Variants in LINGO2 observed in about 807,000 individuals in gnomAD.
LINGO2 encodes leucine rich repeat and Ig domain containing 2.
LINGO2 carries 14 observed loss-of-function variants against 30.6 expected under a neutral mutation model. The ratio of observed to expected loss-of-function variants is 0.46; its 90% confidence interval spans 0.30 to 0.72. The LOEUF is 0.72. LINGO2 is among the 30% of genes least tolerant of loss of function. The probability of loss-of-function intolerance (pLI) is 0.07; values close to 1 mark genes in which losing one functional copy is unlikely to be tolerated. For missense variants in LINGO2, 729 were observed against 751.7 expected, an observed-to-expected ratio of 0.97 and a Z score of 0.35; for synonymous variants, 317 against 288.5, an observed-to-expected ratio of 1.10 and a Z score of -1.00.
intron 4 of LINGO2, among the ~76,000 whole-genome samples, chr9:28,063,340 TATA>T (rs1825214403): frequency 6.6e-6 from 1 of 152,166 alleles, no homozygotes; most frequent in African/African-American, 2.4e-5. Flanking sequence ...CTTTGATTCA[TATA>T]ATATTAATAG....
the LINGO2 span, among the ~76,000 whole-genome samples, chr9:28,730,569 T>C: frequency 2.0e-5 from 3 of 152,160 alleles, no homozygotes; most frequent in African/African-American, 7.2e-5. Flanking sequence ...AAAGGACTAG[T>C]TTTTAGAATA....
At chr9:27,985,563 A>AT (rs779071231) in intron 5 of LINGO2, among the ~76,000 whole-genome samples, 4 of 134,290 alleles carry the variant, frequency 3.0e-5, no homozygotes, top group Admixed American at 8.2e-5. Context: ...TTTTTGGGGG[A>AT]TTTTTTGACA....
the LINGO2 span, among the ~76,000 whole-genome samples, chr9:29,200,637 C>T: frequency 6.6e-6 from 1 of 152,082 alleles, no homozygotes; most frequent in African/African-American, 2.4e-5. Flanking sequence ...AAACATCTTA[C>T]ATAAGTATGG....
chr9:28,786,049 G>A, the LINGO2 span, among the ~76,000 whole-genome samples: 107 of 152,256 alleles, frequency 7.0e-4, no homozygotes, highest in Admixed American at 2.2e-3. Context: ...GTCACTCATA[G>A]GTCATTGTTC....
chr9:29,098,126 G>T, the LINGO2 span, among the ~76,000 whole-genome samples: 2 of 152,016 alleles, frequency 1.3e-5, no homozygotes, highest in Non-Finnish European at 2.9e-5. Context: ...TAGTTGCAGG[G>T]TACAAAATTC....
At chr9:28,190,666 G>A (rs1033701686) in intron 4 of LINGO2, among the ~76,000 whole-genome samples, 2 of 152,062 alleles carry the variant, frequency 1.3e-5, no homozygotes, top group Admixed American at 6.6e-5. Flanking sequence ...AGAATTGTGA[G>A]AATTAAATTT....
the LINGO2 span, among the ~76,000 whole-genome samples, chr9:28,970,420 C>T: frequency 2.6e-5 from 4 of 152,030 alleles, no homozygotes; most frequent in African/African-American, 9.7e-5. Context: ...TTCATCAGAA[C>T]AAAAAATCAG....
intron 1 of LINGO2, among the ~76,000 whole-genome samples, chr9:28,517,819 C>T (rs1315131043): frequency 2.0e-5 from 3 of 152,078 alleles, no homozygotes; most frequent in African/African-American, 7.2e-5. Context: ...CTATTTTCCC[C>T]AATAGAAACA....
the LINGO2 span, among the ~76,000 whole-genome samples, chr9:28,991,263 C>T: frequency 6.6e-6 from 1 of 151,068 alleles, no homozygotes; most frequent in African/African-American, 2.4e-5. Flanking sequence ...GAAAGGGTAT[C>T]AGCAATGGAA....
At chr9:28,584,758 G>A (rs1824445451) in intron 1 of LINGO2, among the ~76,000 whole-genome samples, 1 of 151,934 alleles carries the variant, frequency 6.6e-6, no homozygotes, top group African/African-American at 2.4e-5. Context: ...TTATACTGTT[G>A]AAGAGAGATC....
chr9:29,018,089 TTTTA>T, the LINGO2 span, among the ~76,000 whole-genome samples: 3,083 of 136,752 alleles, frequency 0.023, 81 homozygotes, highest in African/African-American at 0.069. Context: ...TAAATATACA[TTTTA>T]TATATATATA....
chr9:28,094,869 A>C (rs1470073657), intron 4 of LINGO2, among the ~76,000 whole-genome samples: 3 of 152,106 alleles, frequency 2.0e-5, no homozygotes, highest in Non-Finnish European at 4.4e-5. Context: ...TCTTACTTAA[A>C]TTAAGTTTGC....
At chr9:28,376,427 T>C (rs1023494675) in intron 2 of LINGO2, among the ~76,000 whole-genome samples, 20 of 152,224 alleles carry the variant, frequency 1.3e-4, no homozygotes, top group African/African-American at 3.9e-4. Flanking sequence ...ATAAATATAT[T>C]ATATGATGCA....
chr9:29,047,531 A>G, the LINGO2 span, among the ~76,000 whole-genome samples: 1 of 152,156 alleles, frequency 6.6e-6, no homozygotes, highest in African/African-American at 2.4e-5. Context: ...CTGAATGGAG[A>G]AAAACTGAAA....
At chr9:28,049,334 G>GCC (rs1824565163) in intron 4 of LINGO2, among the ~76,000 whole-genome samples, 1 of 150,806 alleles carries the variant, frequency 6.6e-6, no homozygotes, top group Middle Eastern at 3.2e-3. Context: ...TTACAACATA[G>GCC]TACGTACAGT....
At chr9:28,467,258 C>T (rs1279457106) in intron 2 of LINGO2, among the ~76,000 whole-genome samples, 1 of 152,004 alleles carries the variant, frequency 6.6e-6, no homozygotes, top group Non-Finnish European at 1.5e-5. Context: ...ATCTCCTGAC[C>T]TCTCGTAGTC....
At chr9:28,003,347 A>T in intron 5 of LINGO2, among the ~76,000 whole-genome samples, 1 of 95,532 alleles carries the variant, frequency 1.0e-5, no homozygotes, top group South Asian at 3.4e-4. Flanking sequence ...AGATATATAG[A>T]TAGATAGATA....
chr9:28,327,627 T>C (rs569348077), intron 3 of LINGO2, among the ~76,000 whole-genome samples: 9 of 152,304 alleles, frequency 5.9e-5, no homozygotes, highest in African/African-American at 2.2e-4. Context: ...TGTTTGTTTT[T>C]CAAAAACAGC....
chr9:28,768,114 G>C, the LINGO2 span, among the ~76,000 whole-genome samples: 1 of 152,186 alleles, frequency 6.6e-6, no homozygotes, highest in Non-Finnish European at 1.5e-5. Context: ...CATTATAAAA[G>C]AGTGACTATC....
Sources: allele counts gnomAD v4.1 joint callset (sites outside exome capture counted in the v4.1 genomes callset), GRCh38; gene constraint gnomAD v4.1.1; transcripts MANE v1.5; gene names NCBI Gene and HGNC (gene_info 2026-07-23, HGNC 2026-07-21).